AGMO: variants seen among roughly 807,000 people sequenced by gnomAD.
The protein encoded by AGMO is alkylglycerol monooxygenase, also known as glyceryl-ether monooxygenase.
A neutral mutation model predicts 60.2 loss-of-function variants in AGMO; 75 were observed. That is an observed-to-expected ratio of 1.25 (90% CI 1.03 to 1.51). The LOEUF is 1.51. AGMO is among the 40% of genes most tolerant of loss of function. The pLI, the probability that AGMO is intolerant of heterozygous loss-of-function variation, is 0.00. For synonymous variants in AGMO, 261 were observed against 177.1 expected (o/e 1.47, Z -3.76); for missense variants, 763 against 525.5 (o/e 1.45, Z -4.42).
At chr7:15,365,455 A>G in intron 12 of AGMO, 59 bp downstream of exon 12, 1 of 1,114,504 alleles carries the variant, frequency 9.0e-7, no homozygotes, top group Admixed American at 2.0e-5. Context: ...CCTTGAATGA[A>G]TAAATTAAAT....
intron 2 of AGMO, among the ~76,000 whole-genome samples, chr7:15,554,385 G>A (rs1305794267): frequency 2.0e-5 from 3 of 151,882 alleles, no homozygotes; most frequent in African/African-American, 7.3e-5. Context: ...CCAAATACTA[G>A]ATCCCTTTTA....
chr7:15,211,145 AT>A (rs780527474), intron 12 of AGMO, among the ~76,000 whole-genome samples: 32 of 151,970 alleles, frequency 2.1e-4, no homozygotes, highest in Non-Finnish European at 4.1e-4. Context: ...GGTCAATTTG[AT>A]TTTGTTTCTG....
chr7:15,549,466 A>G (rs1191440090), intron 2 of AGMO, among the ~76,000 whole-genome samples: 1 of 152,212 alleles, frequency 6.6e-6, no homozygotes, highest in Middle Eastern at 3.4e-3. Context: ...AAAAGGATGG[A>G]GGAAGACCTA....
intron 3 of AGMO, among the ~76,000 whole-genome samples, chr7:15,477,600 G>A (rs1296484787): frequency 6.6e-6 from 1 of 152,070 alleles, no homozygotes; most frequent in African/African-American, 2.4e-5. Flanking sequence ...TGTGCAGCTT[G>A]TATCTAAAAT....
intron 12 of AGMO, among the ~76,000 whole-genome samples, chr7:15,212,348 G>A (rs1383652558): frequency 6.6e-6 from 1 of 151,408 alleles, no homozygotes; most frequent in Non-Finnish European, 1.5e-5. Context: ...CATCGAATCA[G>A]TCTCTATTAG....
chr7:15,175,568 G>T, the AGMO span, among the ~76,000 whole-genome samples: 693 of 151,704 alleles, frequency 4.6e-3, 3 homozygotes, highest in African/African-American at 0.016. Context: ...TCTGTGTAAG[G>T]TCTAATCCCT....
At chr7:15,403,588 TTCTAA>T (rs1355183373) in intron 5 of AGMO, among the ~76,000 whole-genome samples, 5 of 152,118 alleles carry the variant, frequency 3.3e-5, no homozygotes, top group Admixed American at 6.6e-5. Flanking sequence ...TCTACAGCAA[TTCTAA>T]TTTAAAGTTT....
intron 3 of AGMO, among the ~76,000 whole-genome samples, chr7:15,480,903 G>A (rs1398409630): frequency 6.8e-6 from 1 of 147,730 alleles, no homozygotes; most frequent in Non-Finnish European, 1.5e-5. Flanking sequence ...AATCCTCATA[G>A]TTATAGATTC....
intron 3 of AGMO, among the ~76,000 whole-genome samples, chr7:15,523,082 A>G (rs973863283): frequency 3.9e-5 from 6 of 152,230 alleles, no homozygotes; most frequent in Non-Finnish European, 8.8e-5. Flanking sequence ...GCCAACAAAC[A>G]TATGAAAAAC....
chr7:15,412,617 G>A (rs1237610551), intron 5 of AGMO, among the ~76,000 whole-genome samples: 1 of 141,272 alleles, frequency 7.1e-6, no homozygotes, highest in Non-Finnish European at 1.5e-5. Context: ...GCTAGCAAAA[G>A]AGAATTTAGA....
At chr7:15,470,223 A>G (rs1053872589) in intron 3 of AGMO, among the ~76,000 whole-genome samples, 1 of 152,048 alleles carries the variant, frequency 6.6e-6, no homozygotes, top group African/African-American at 2.4e-5. Flanking sequence ...TCTGATATTT[A>G]ATCATTAGAA....
the AGMO span, among the ~76,000 whole-genome samples, chr7:15,189,432 A>G: frequency 6.6e-6 from 1 of 152,124 alleles, no homozygotes; most frequent in Non-Finnish European, 1.5e-5. Context: ...ACTTTGTGCT[A>G]TCATAGCTGA....
At position 15,530,383 on chromosome 7, in the gene AGMO, T is replaced by C. The variant is rs549586487; in HGVS notation, c.409+14389A>G. ...TATATATATTCTATATACGTATTTC[T>C]ATATATATTCTATATACGTATTTCT... On this transcript the variant is annotated intron_variant, in intron 3 of 12. Transcript: ENST00000342526. Among the ~76,000 whole-genome samples the C allele has an allele frequency of 4.5e-4, 59 of 132,370 alleles. 2 individuals carry two copies. The South Asian group carries it at 0.011, about 25-fold the overall frequency. 86.8% of individuals were successfully genotyped at this position (132,370 alleles called of 152,430 possible).
chr7:15,309,754 A>G (rs1487093011), intron 12 of AGMO, among the ~76,000 whole-genome samples: 1 of 152,146 alleles, frequency 6.6e-6, no homozygotes, highest in Non-Finnish European at 1.5e-5. Flanking sequence ...TTTAGAGAGA[A>G]TACAAATAAA....
intron 12 of AGMO, among the ~76,000 whole-genome samples, chr7:15,308,730 T>G (rs910751704): frequency 6.6e-6 from 1 of 152,172 alleles, no homozygotes; most frequent in Non-Finnish European, 1.5e-5. Flanking sequence ...GCACATATAA[T>G]GAAAATATAA....
At chr7:15,412,810 C>A (rs528735777) in intron 5 of AGMO, among the ~76,000 whole-genome samples, 2 of 151,324 alleles carry the variant, frequency 1.3e-5, no homozygotes, top group South Asian at 4.2e-4. Flanking sequence ...ATGTATAAGT[C>A]AAAGTCTCCA....
At chr7:15,373,817 C>T (rs948477299) in intron 10 of AGMO, among the ~76,000 whole-genome samples, 9 of 152,186 alleles carry the variant, frequency 5.9e-5, no homozygotes, top group Middle Eastern at 3.4e-3. Context: ...CAAGTTGGTA[C>T]GTTTTTAGTA....
the AGMO span, among the ~76,000 whole-genome samples, chr7:15,181,359 A>G: frequency 0.22 from 33,407 of 151,770 alleles, 4,183 homozygotes; most frequent in East Asian, 0.48. Context: ...ATCAACTGAG[A>G]CTCTTTAGGG....
intron 3 of AGMO, among the ~76,000 whole-genome samples, chr7:15,513,252 G>T (rs573993192): frequency 6.6e-6 from 1 of 151,626 alleles, no homozygotes; most frequent in Admixed American, 6.6e-5. Context: ...TTTCCCAGGG[G>T]CTTTTACTTC....
Sources: allele counts gnomAD v4.1 joint callset (sites outside exome capture counted in the v4.1 genomes callset), GRCh38; gene constraint gnomAD v4.1.1; transcripts MANE v1.5; gene names NCBI Gene and HGNC (gene_info 2026-07-23, HGNC 2026-07-21).